The following OR56A3 variants were observed in gnomAD, a reference collection of about 807,000 sequenced individuals.
The protein encoded by OR56A3 is olfactory receptor family 56 subfamily A member 3.
Under a neutral mutation model 17.5 loss-of-function variants are expected in OR56A3, and 23 were observed. That is an observed-to-expected ratio of 1.32 (90% confidence interval 0.95 to 1.87). OR56A3 has a LOEUF of 1.87. OR56A3 is among the 40% of genes most tolerant of loss of function. OR56A3 has a pLI of 0.00. For synonymous variants in OR56A3, 175 were observed against 150.6 expected (o/e 1.16, Z -1.19); for missense variants, 366 against 380.1 (o/e 0.96, Z 0.31).
the OR56A3 span, chr11:5,968,492 C>T: frequency 1.9e-6 from 3 of 1,549,140 alleles, no homozygotes; most frequent in Non-Finnish European, 2.6e-6. Flanking sequence ...TGGGTAATGT[C>T]ATGAAATAAA....
chr11:6,003,547 TCA>T, the OR56A3 span, among the ~76,000 whole-genome samples: 1 of 152,140 alleles, frequency 6.6e-6, no homozygotes, highest in Non-Finnish European at 1.5e-5. Flanking sequence ...CAGGGAGCAC[TCA>T]CACACACAAC....
chr11:6,008,398 T>A, the OR56A3 span, among the ~76,000 whole-genome samples: 1 of 152,142 alleles, frequency 6.6e-6, no homozygotes, highest in Non-Finnish European at 1.5e-5. Flanking sequence ...ATTTCATGAG[T>A]GAATAATTGC....
chr11:5,982,580 C>A, the OR56A3 span, among the ~76,000 whole-genome samples: 2 of 152,148 alleles, frequency 1.3e-5, no homozygotes, highest in Non-Finnish European at 2.9e-5. Context: ...CCTGGTCGCA[C>A]AGGCAAGATA....
chr11:6,005,987 A>G, the OR56A3 span, among the ~76,000 whole-genome samples: 17 of 152,352 alleles, frequency 1.1e-4, no homozygotes, highest in African/African-American at 2.4e-4. Flanking sequence ...GAGAGTCCCA[A>G]ATAGTTCAAA....
Position 5,947,351 on chromosome 11 carries a change from C to T in OR56A3, c.5C>T (p.Thr2Ile). M[T>I]THRNDTLSTE... ...CAGTAAAATATATGGGAAAATATGACAACACACCGAAATGACACCCTCTCC... is the reference window on the plus strand; with the variant it reads ...CAGTAAAATATATGGGAAAATATGATAACACACCGAAATGACACCCTCTCC... Residue 2 changes from threonine (T) to isoleucine (I), a missense_variant, in exon 3 of 3, where the codon ACA becomes ATA. Thr to Ile is a moderately conservative substitution (Grantham distance 89). Coordinates refer to ENST00000641160, the MANE Select transcript of OR56A3 (RefSeq NM_001003443.3). 6.3e-7 allele frequency: 1 copy of T among 1,591,008 alleles called. No homozygotes were observed. Among genetic ancestry groups the T allele is most frequent in the South Asian group, 1.1e-5 (1 of 89,190 alleles).
the OR56A3 span, among the ~76,000 whole-genome samples, chr11:5,981,730 T>C: frequency 5.3e-5 from 8 of 152,224 alleles, no homozygotes; most frequent in South Asian, 1.7e-3. Context: ...GGTAAGAAGA[T>C]ACCCTGTCTT....
chr11:6,015,217 G>A, the OR56A3 span, among the ~76,000 whole-genome samples: 3 of 152,254 alleles, frequency 2.0e-5, no homozygotes, highest in South Asian at 4.1e-4. Context: ...GCATTTCAGA[G>A]ACCTTCACAG....
At chr11:5,980,934 G>C in the OR56A3 span, among the ~76,000 whole-genome samples, 1 of 152,154 alleles carries the variant, frequency 6.6e-6, no homozygotes, top group African/African-American at 2.4e-5. Flanking sequence ...TAGTTTGGCT[G>C]GATATGAAGT....
chr11:6,014,389 A>T, the OR56A3 span, among the ~76,000 whole-genome samples: 1 of 152,188 alleles, frequency 6.6e-6, no homozygotes, highest in African/African-American at 2.4e-5. Flanking sequence ...CTCTCATAAT[A>T]GTCAATAGTT....
At chr11:6,009,324 G>T in the OR56A3 span, among the ~76,000 whole-genome samples, 3 of 152,012 alleles carry the variant, frequency 2.0e-5, no homozygotes, top group Non-Finnish European at 2.9e-5. Context: ...TAAATCCAGG[G>T]TTTCTCTCTC....
chr11:5,971,610 C>T, the OR56A3 span, among the ~76,000 whole-genome samples: 1 of 152,014 alleles, frequency 6.6e-6, no homozygotes, highest in Non-Finnish European at 1.5e-5. Context: ...AGAGAAAAAG[C>T]GGTTAGATAC....
At chr11:6,013,341 C>T in the OR56A3 span, among the ~76,000 whole-genome samples, 1 of 152,188 alleles carries the variant, frequency 6.6e-6, no homozygotes, top group Non-Finnish European at 1.5e-5. Flanking sequence ...AAGGGCAGCC[C>T]AGAACTCCCC....
In OR56A3 at chr11:5,947,527, C is replaced by G; in HGVS notation, c.181C>G (p.Gln61Glu). The change falls in exon 3 of 3, where the codon CAG (glutamine) becomes GAG (glutamate). Residue 61 changes from glutamine (Q) to glutamate (E), a missense_variant. Coordinates refer to ENST00000641160, the MANE Select transcript of OR56A3 (RefSeq NM_001003443.3). ...CATCTGGCTGGAGGCCTCTCTGCAC[C>G]AGCCCCTGTACTACCTGCTCAGCCT... ...MTIWLEASLH[Q>E]PLYYLLSLLS... 1 of 1,614,026 alleles carries G rather than the reference C, an allele frequency of 6.2e-7. No individual in the cohort carries two copies. The highest frequency in any genetic ancestry group is 8.5e-7 in the Non-Finnish European group (1 of 1,179,928).
chr11:6,002,853 G>A, the OR56A3 span: 1 of 1,614,058 alleles, frequency 6.2e-7, no homozygotes. Context: ...GATCAGGAGG[G>A]TGGTGTTAGC....
chr11:6,003,924 T>C, the OR56A3 span, among the ~76,000 whole-genome samples: 1 of 152,264 alleles, frequency 6.6e-6, no homozygotes. Context: ...ATATGTAATC[T>C]ACATTCTGTA....
the OR56A3 span, among the ~76,000 whole-genome samples, chr11:6,015,012 A>AAAAAAAAAAAAAAAAAAAC: frequency 6.6e-6 from 1 of 150,730 alleles, no homozygotes; most frequent in Non-Finnish European, 1.5e-5. Context: ...AAAAAAAAAA[A>AAAAAAAAAAAAAAAAAAAC]AAATGACCTG....
downstream of OR56A3, among the ~76,000 whole-genome samples, chr11:5,952,740 G>A (rs1426183274): frequency 6.6e-6 from 1 of 152,176 alleles, no homozygotes; most frequent in African/African-American, 2.4e-5. Flanking sequence ...GAGTGCCAAT[G>A]ATTCTGCCAC....
chr11:6,014,126 T>C, the OR56A3 span, among the ~76,000 whole-genome samples: 7 of 152,154 alleles, frequency 4.6e-5, no homozygotes, highest in Non-Finnish European at 8.8e-5. Flanking sequence ...CTGCCACCAC[T>C]GATGCTCAAA....
chr11:6,015,438 C>T, the OR56A3 span, among the ~76,000 whole-genome samples: 2 of 152,228 alleles, frequency 1.3e-5, no homozygotes, highest in African/African-American at 2.4e-5. Flanking sequence ...ACAGTTCCCA[C>T]TGGGACACTG....
Sources: allele counts gnomAD v4.1 joint callset (sites outside exome capture counted in the v4.1 genomes callset), GRCh38; gene constraint gnomAD v4.1.1; transcripts MANE v1.5; gene names NCBI Gene and HGNC (gene_info 2026-07-23, HGNC 2026-07-21).